MORC1: variants seen among roughly 807,000 people sequenced by gnomAD.
The protein encoded by MORC1 is MORC family CW-type zinc finger 1, also known as MORC family CW-type zinc finger protein 1.
MORC1 carries 59 observed loss-of-function variants against 134.9 expected under a neutral mutation model. The ratio of observed to expected loss-of-function variants is 0.44; its 90% CI spans 0.35 to 0.54. MORC1 has a LOEUF of 0.54. MORC1 is among the 20% of genes least tolerant of loss of function. The pLI is 0.00. For synonymous variants in MORC1, 395 were observed against 391.7 expected (o/e 1.01, Z -0.10); for missense variants, 947 against 1,134.5 (o/e 0.83, Z 2.37).
intron 23 of MORC1, among the ~76,000 whole-genome samples, chr3:108,983,280 T>C (rs959590407): frequency 1.3e-5 from 2 of 152,174 alleles, no homozygotes; most frequent in Admixed American, 6.5e-5. Context: ...AGTGTCATTC[T>C]GGATATCAGA....
intron 9 of MORC1, among the ~76,000 whole-genome samples, chr3:109,065,296 G>T (rs1270334928): frequency 6.6e-6 from 1 of 152,082 alleles, no homozygotes; most frequent in Non-Finnish European, 1.5e-5. Flanking sequence ...GGCCTTACCT[G>T]ATCTGCCCAA....
At chr3:108,980,442 A>G (rs1303610893) in intron 23 of MORC1, among the ~76,000 whole-genome samples, 1 of 152,206 alleles carries the variant, frequency 6.6e-6, no homozygotes, top group Non-Finnish European at 1.5e-5. Context: ...CCAAGCTAGC[A>G]TGGGGACCCA....
At chr3:108,973,581 T>C (rs902680529) in intron 24 of MORC1, among the ~76,000 whole-genome samples, 1 of 141,480 alleles carries the variant, frequency 7.1e-6, no homozygotes, top group African/African-American at 2.6e-5. Flanking sequence ...TCGTTTTTTG[T>C]TTGCTTTGTT....
At position 109,027,805 on chromosome 3, in the gene MORC1, T is replaced by A; in HGVS notation, c.1650A>T (p.Gln550His). The A allele has an allele frequency of 6.2e-7, 1 of 1,613,924 alleles. No individual in the cohort carries two copies. Among genetic ancestry groups the A allele is most frequent in the Non-Finnish European group, 8.5e-7 (1 of 1,179,876 alleles). ...GATACTTTATGACCGACTCTCTAAG[T>A]TGCTTCTCTTTCTCATTTTTTGATG... ...ISPSKNEKEKQLRESVIKYQN... is the reference protein window; with the variant it reads ...ISPSKNEKEKHLRESVIKYQN... Residue 550 changes from glutamine (Q) to histidine (H), a missense_variant, in exon 17 of 28, where the codon CAA becomes CAT. Physicochemically the swap from Gln to His is conservative, Grantham distance 24. Transcript: ENST00000232603.
At chr3:109,033,292 GGAAGGAAGGAAGGAAGGAAGGA>G (rs1949283236) in intron 15 of MORC1, among the ~76,000 whole-genome samples, 1 of 36,896 alleles carries the variant, frequency 2.7e-5, no homozygotes, top group African/African-American at 4.6e-5. Context: ...AAAGGAGGAA[GGAAGGAAGGAAGGAAGGAAGGA>G]AGGAAGGAAG....
chr3:109,000,718 A>C, intron 20 of MORC1, 60 bp from the exon 21 acceptor site: 1 of 1,233,074 alleles, frequency 8.1e-7, no homozygotes, highest in Non-Finnish European at 1.2e-6. Flanking sequence ...GGTACATACT[A>C]AACTACCTTC....
At chr3:109,106,553 C>T (rs1208833526) in intron 3 of MORC1, among the ~76,000 whole-genome samples, 4 of 152,176 alleles carry the variant, frequency 2.6e-5, no homozygotes, top group South Asian at 2.1e-4. Context: ...CCTCCTCCCA[C>T]GTTAGACTTT....
chr3:109,005,573 T>C (rs1163036172), intron 18 of MORC1, among the ~76,000 whole-genome samples: 2 of 152,144 alleles, frequency 1.3e-5, no homozygotes, highest in Admixed American at 6.5e-5. Flanking sequence ...ATTGAGAACA[T>C]ACTGTGCATT....
intron 14 of MORC1, among the ~76,000 whole-genome samples, chr3:109,054,306 A>G (rs559336236): frequency 1.4e-4 from 22 of 152,054 alleles, no homozygotes; most frequent in African/African-American, 5.3e-4. Context: ...AGTTTAACAT[A>G]TCTACAATTA....
chr3:109,049,184 G>A (rs1217236625), intron 14 of MORC1: 1 of 983,302 alleles, frequency 1.0e-6, no homozygotes, highest in Admixed American at 6.2e-5. Flanking sequence ...CCCTTTCTGA[G>A]ATCTTAGAGA....
At chr3:109,057,982 A>C (rs1032932739) in intron 12 of MORC1, among the ~76,000 whole-genome samples, 6 of 152,236 alleles carry the variant, frequency 3.9e-5, no homozygotes, top group African/African-American at 1.4e-4. Flanking sequence ...TTATTATAAT[A>C]AAGCAAGTTT....
rs1225110748 is a variant in MORC1, at chr3:109,027,476, T to C, written c.1704+275A>G. ...GGACATGCTGACTGACTCTATAAGGTTCTATGTGCAGCTGTGGAGTAGAAA... is the reference window on the plus strand; with the variant it reads ...GGACATGCTGACTGACTCTATAAGGCTCTATGTGCAGCTGTGGAGTAGAAA... On this transcript the variant is annotated intron_variant, in intron 17 of 27. Coordinates refer to ENST00000232603, the MANE Select transcript of MORC1 (RefSeq NM_014429.4). 3.3e-5 allele frequency among the ~76,000 whole-genome samples: 5 copies of C among 152,246 alleles called. No homozygotes were observed. The South Asian group carries it at 1.0e-3, about 32-fold the overall frequency.
intron 15 of MORC1, among the ~76,000 whole-genome samples, chr3:109,034,866 A>C (rs902931641): frequency 8.5e-5 from 13 of 152,068 alleles, no homozygotes; most frequent in African/African-American, 3.1e-4. Context: ...CTCCCACTTC[A>C]GCCTCTCAAG....
intron 21 of MORC1, among the ~76,000 whole-genome samples, chr3:108,987,621 G>A (rs1451293631): frequency 6.6e-6 from 1 of 152,032 alleles, no homozygotes; most frequent in African/African-American, 2.4e-5. Flanking sequence ...CGATTGGGAG[G>A]CTGAGAGGGT....
At chr3:109,072,878 A>G (rs976536284) in intron 8 of MORC1, among the ~76,000 whole-genome samples, 2 of 151,618 alleles carry the variant, frequency 1.3e-5, no homozygotes, top group African/African-American at 4.9e-5. Context: ...CTCATTTTCT[A>G]TGTAACTGGC....
chr3:109,103,185 C>T (rs1950961796), intron 4 of MORC1, among the ~76,000 whole-genome samples: 1 of 152,098 alleles, frequency 6.6e-6, no homozygotes, highest in African/African-American at 2.4e-5. Flanking sequence ...TGGAACACAC[C>T]ATGTTTAAAG....
chr3:109,094,646 G>T (rs1256565520), intron 7 of MORC1, among the ~76,000 whole-genome samples: 1 of 152,048 alleles, frequency 6.6e-6, no homozygotes, highest in Non-Finnish European at 1.5e-5. Flanking sequence ...AGTCCCTGTG[G>T]TCATAGCCTG....
intron 8 of MORC1, among the ~76,000 whole-genome samples, chr3:109,082,370 C>T (rs1443408471): frequency 1.3e-5 from 2 of 151,878 alleles, no homozygotes; most frequent in African/African-American, 2.4e-5. Context: ...TCCTTCAGTG[C>T]AAAGACATAG....
chr3:109,094,895 T>A lies in MORC1; in HGVS notation c.583+14A>T. The stretch of plus-strand genomic sequence containing the variant: ...AATACTTCCATCAAATTGTCAGAGT[T>A]TTGATGATCTTACCACATTTTCCAT... On this transcript the variant is annotated intron_variant, in intron 7 of 27. Coordinates refer to ENST00000232603, the MANE Select transcript of MORC1 (RefSeq NM_014429.4). 1 of 1,544,328 alleles carries A rather than the reference T, an allele frequency of 6.5e-7. No homozygotes were observed. Among genetic ancestry groups the A allele is most frequent in the Non-Finnish European group, 8.7e-7 (1 of 1,154,882 alleles).
Sources: allele counts gnomAD v4.1 joint callset (sites outside exome capture counted in the v4.1 genomes callset), GRCh38; gene constraint gnomAD v4.1.1; transcripts MANE v1.5; gene names NCBI Gene and HGNC (gene_info 2026-07-23, HGNC 2026-07-21).